Variants in SLC1A1 observed in about 807,000 individuals in gnomAD.
The protein encoded by SLC1A1 is solute carrier family 1 member 1.
A neutral mutation model predicts 53.3 loss-of-function variants in SLC1A1; 43 were observed. The ratio of observed to expected loss-of-function variants is 0.81; its 90% CI spans 0.63 to 1.04. The LOEUF (loss-of-function observed/expected upper bound fraction) is 1.04. SLC1A1 is among the 50% of genes least tolerant of loss of function. SLC1A1 has a pLI of 0.00. For missense variants in SLC1A1, 748 were observed against 664.9 expected (o/e 1.12, Z -1.37); for synonymous variants, 307 against 243.2 (o/e 1.26, Z -2.44).
At position 4,556,218 on chromosome 9, in the gene SLC1A1, C is replaced by T. The variant is rs935252614; in HGVS notation, c.233-5231C>T. ...TTTTTTAAGTAGAGATGGGGTTTCA[C>T]CATGTTGGCCAGGCTGGTCTCAAAC... On this transcript the variant is annotated intron_variant, in intron 2 of 11. Transcript: ENST00000262352. This position sits in a 1 kb window ranked among gnomAD's most constrained non-coding sequence, Gnocchi z 4.1. Among the ~76,000 whole-genome samples, 1 of 152,058 alleles carries T rather than the reference C, an allele frequency of 6.6e-6. No individual in the cohort carries two copies. The highest frequency in any genetic ancestry group is 1.5e-5 in the Non-Finnish European group (1 of 68,018).
intron 1 of SLC1A1, among the ~76,000 whole-genome samples, chr9:4,511,889 T>G (rs1821012433): frequency 6.6e-6 from 1 of 152,220 alleles, no homozygotes; most frequent in African/African-American, 2.4e-5. Context: ...GATACAAGGT[T>G]AACACACAAA....
In SLC1A1 at chr9:4,576,063, C is replaced by T; in HGVS notation, c.938C>T (p.Pro313Leu). ...LIYFIVVRKN[P>L]FRFAMGMAQA... Reference sequence around the variant, plus strand: ...TATTTCATAGTCGTACGAAAGAACCCTTTCCGATTTGCCATGGGAATGGCC... The same window carrying T: ...TATTTCATAGTCGTACGAAAGAACCTTTTCCGATTTGCCATGGGAATGGCC... The change falls in exon 9 of 12, where the codon CCT becomes CTT. Residue 313 changes from proline (P) to leucine (L), a missense_variant. Physicochemically the swap from Pro to Leu is moderately conservative, Grantham distance 98. Transcript: ENST00000262352. 2.5e-6 allele frequency: 4 copies of T among 1,613,748 alleles called. No homozygotes were observed. Among genetic ancestry groups the T allele is most frequent in the Non-Finnish European group, 3.4e-6 (4 of 1,179,592 alleles).
At chr9:4,517,981 A>C (rs950935372) in intron 1 of SLC1A1, among the ~76,000 whole-genome samples, 12 of 151,996 alleles carry the variant, frequency 7.9e-5, no homozygotes, top group African/African-American at 2.9e-4. Flanking sequence ...TAATCCCAGC[A>C]CTTTGGGAGG....
intron 2 of SLC1A1, among the ~76,000 whole-genome samples, chr9:4,546,519 T>C (rs1817507803): frequency 6.6e-6 from 1 of 152,196 alleles, no homozygotes; most frequent in Non-Finnish European, 1.5e-5. Context: ...TCCATTTAGC[T>C]GGAGCAAATG....
At position 4,585,225 on chromosome 9, in the gene SLC1A1, C is replaced by G. The variant is rs549080291; in HGVS notation, c.1329-87C>G. 46 of 1,563,290 alleles carry G rather than the reference C, an allele frequency of 2.9e-5. No homozygotes were observed. In the Admixed American group the frequency reaches 5.5e-4, roughly 19 times the overall value. On this transcript the variant is annotated intron_variant, in intron 11 of 11. Transcript: ENST00000262352. Reference sequence around the variant, plus strand: ...CTTTCTGCACTTACTGAAATCTAAACTGAACATGTCAGGTCCTTGCATCTC... The same window carrying G: ...CTTTCTGCACTTACTGAAATCTAAAGTGAACATGTCAGGTCCTTGCATCTC...
At chr9:4,579,290 CT>C (rs1260194525) in intron 10 of SLC1A1, among the ~76,000 whole-genome samples, 1 of 152,350 alleles carries the variant, frequency 6.6e-6, no homozygotes, top group Non-Finnish European at 1.5e-5. Context: ...ACAACCACCC[CT>C]GTGCTTCCAA....
At chr9:4,515,958 G>C (rs771920334) in intron 1 of SLC1A1, among the ~76,000 whole-genome samples, 3 of 152,126 alleles carry the variant, frequency 2.0e-5, no homozygotes, top group Non-Finnish European at 2.9e-5. Context: ...AAGAGTCTTT[G>C]AACAAGTTGT....
At chr9:4,529,102 C>T (rs183952332) in intron 1 of SLC1A1, among the ~76,000 whole-genome samples, 397 of 152,274 alleles carry the variant, frequency 2.6e-3, no homozygotes, top group Non-Finnish European at 4.6e-3. Context: ...TTCCCCTTCT[C>T]CACTCTTTAA....
At chr9:4,509,402 G>C (rs1820917378) in intron 1 of SLC1A1, among the ~76,000 whole-genome samples, 1 of 152,032 alleles carries the variant, frequency 6.6e-6, no homozygotes, top group Non-Finnish European at 1.5e-5. Context: ...AGGCACCCAG[G>C]GATGAATAAC....
intron 3 of SLC1A1, among the ~76,000 whole-genome samples, chr9:4,563,812 C>T (rs1447487200): frequency 1.3e-5 from 2 of 152,102 alleles, no homozygotes; most frequent in Non-Finnish European, 2.9e-5. Flanking sequence ...CTCATTCCAC[C>T]CCCGGAACAG....
At chr9:4,515,736 AAAAG>A (rs1334210055) in intron 1 of SLC1A1, among the ~76,000 whole-genome samples, 2 of 152,144 alleles carry the variant, frequency 1.3e-5, no homozygotes, top group African/African-American at 4.8e-5. Context: ...TTCTCTTGGT[AAAAG>A]AGTCATCTTT....
intron 1 of SLC1A1, among the ~76,000 whole-genome samples, chr9:4,528,281 G>T (rs542333961): frequency 6.6e-6 from 1 of 150,722 alleles, no homozygotes; most frequent in Non-Finnish European, 1.5e-5. Context: ...TATTAAAAAT[G>T]CAAGTTAGGA....
At chr9:4,542,465 T>C (rs572508018) in intron 1 of SLC1A1, among the ~76,000 whole-genome samples, 4 of 152,220 alleles carry the variant, frequency 2.6e-5, no homozygotes, top group Non-Finnish European at 5.9e-5. Flanking sequence ...GCACAGTTAA[T>C]CATTAGTAAT....
chr9:4,561,371 C>A, intron 2 of SLC1A1, 78 bp from the exon 3 acceptor site: 1 of 893,788 alleles, frequency 1.1e-6, no homozygotes. Context: ...CTTTATTTCA[C>A]AACCTGAGGA....
At position 4,586,238 on chromosome 9, in the gene SLC1A1, T is replaced by C. The variant is rs1234404472; in HGVS notation, c.*680T>C. 6.6e-6 allele frequency: 1 copy of C among 151,530 alleles called. No individual in the cohort carries two copies. Among genetic ancestry groups the C allele is most frequent in the African/African-American group, 2.4e-5 (1 of 41,320 alleles). 9.4% of individuals were successfully genotyped at this position (151,530 alleles called of 1,614,324 possible). ...CTATATATATATATATATGTATATATTTATTATTTTCATATAATTTGCCAG... is the reference window on the plus strand; with the variant it reads ...CTATATATATATATATATGTATATACTTATTATTTTCATATAATTTGCCAG... On this transcript the variant is annotated 3_prime_UTR_variant, in exon 12 of 12. Transcript: ENST00000262352.
chr9:4,510,943 C>G (rs1820979705), intron 1 of SLC1A1, among the ~76,000 whole-genome samples: 1 of 152,222 alleles, frequency 6.6e-6, no homozygotes, highest in Admixed American at 6.5e-5. Flanking sequence ...ACTGCAGGGA[C>G]AAGGGATACT....
chr9:4,563,401 C>T (rs1036036832), intron 3 of SLC1A1, among the ~76,000 whole-genome samples: 2 of 152,192 alleles, frequency 1.3e-5, no homozygotes, highest in Non-Finnish European at 2.9e-5. Context: ...CAAGATACTG[C>T]TCTCTTATTA....
At chr9:4,540,238 C>T (rs912119605) in intron 1 of SLC1A1, among the ~76,000 whole-genome samples, 4 of 152,042 alleles carry the variant, frequency 2.6e-5, no homozygotes, top group African/African-American at 4.8e-5. Context: ...AAGATTATCC[C>T]GCTCCATCCC....
intron 1 of SLC1A1, among the ~76,000 whole-genome samples, chr9:4,495,214 G>A (rs919991638): frequency 6.6e-6 from 1 of 152,178 alleles, no homozygotes; most frequent in South Asian, 2.1e-4. Context: ...GGTTCACGCT[G>A]GTTCCAGGCC....
Sources: allele counts gnomAD v4.1 joint callset (sites outside exome capture counted in the v4.1 genomes callset), GRCh38; gene constraint gnomAD v4.1.1; non-coding constraint Gnocchi (gnomAD v3.1); transcripts MANE v1.5; gene names NCBI Gene and HGNC (gene_info 2026-07-23, HGNC 2026-07-21).